The following STK31 variants were observed in gnomAD, a reference collection of about 807,000 sequenced individuals.
STK31 encodes serine/threonine-protein kinase 31.
STK31 carries 89 observed loss-of-function variants against 129.7 expected under a neutral mutation model. The observed-to-expected ratio is 0.69, with a 90% CI of 0.58 to 0.82. The LOEUF (loss-of-function observed/expected upper bound fraction) is 0.82. Among genes scored for constraint, STK31 ranks in the 40% least tolerant of loss-of-function variants. STK31 has a pLI of 0.00. For missense variants in STK31, 1,187 were observed against 1,176.4 expected (o/e 1.01, Z -0.13); for synonymous variants, 448 against 395.3 (o/e 1.13, Z -1.58).
chr7:23,765,090 C>A (rs1342804582), intron 11 of STK31, among the ~76,000 whole-genome samples: 1 of 151,968 alleles, frequency 6.6e-6, no homozygotes, highest in African/African-American at 2.4e-5. Context: ...GAGTCTCGCT[C>A]TGTCGCCTAG....
intron 22 of STK31, 151 bp from the exon 23 acceptor site, chr7:23,814,993 T>G: frequency 1.9e-6 from 1 of 519,940 alleles, no homozygotes; most frequent in East Asian, 3.3e-5. Flanking sequence ...GTAATTAGAA[T>G]GAAAGTGCTT....
chr7:23,717,487 A>C lies in STK31; in HGVS notation c.157A>C (p.Asn53His). Residue 53 changes from asparagine (N) to histidine (H), a missense_variant, in exon 4 of 24, where the codon AAT becomes CAT. Coordinates refer to ENST00000355870, the MANE Select transcript of STK31 (RefSeq NM_031414.5). ...DAVTFWAQSI[N>H]RNKDIMKIGC... ...CTATATCTAATCTTTCTAGAGTATC[A>C]ATAGAAATAAGGATATCATGAAGAT... The C allele has an allele frequency of 1.9e-6, 3 of 1,602,982 alleles. No homozygotes were observed. The East Asian group carries it at 6.7e-5, about 36-fold the overall frequency.
chr7:23,815,560 C>A (rs1040003634), intron 23 of STK31, among the ~76,000 whole-genome samples: 1 of 151,992 alleles, frequency 6.6e-6, no homozygotes, highest in African/African-American at 2.4e-5. Flanking sequence ...ATGTATTCAG[C>A]CAACATATTT....
At chr7:23,784,700 AG>A (rs1266381276) in intron 17 of STK31, among the ~76,000 whole-genome samples, 1 of 152,078 alleles carries the variant, frequency 6.6e-6, no homozygotes, top group East Asian at 1.9e-4. Context: ...AAAAAAACCC[AG>A]AAAACAATTC....
At chr7:23,776,326 A>G (rs1790541773) in intron 15 of STK31, among the ~76,000 whole-genome samples, 1 of 152,104 alleles carries the variant, frequency 6.6e-6, no homozygotes, top group African/African-American at 2.4e-5. Flanking sequence ...TTTTTGTACG[A>G]GGATGATGCT....
At chr7:23,805,860 T>G (rs914566917) in intron 22 of STK31, among the ~76,000 whole-genome samples, 5 of 152,202 alleles carry the variant, frequency 3.3e-5, no homozygotes, top group Non-Finnish European at 7.3e-5. Context: ...TGAGAGCACA[T>G]AGAACATGTT....
chr7:23,757,457 G>A (rs1044050316), intron 10 of STK31, among the ~76,000 whole-genome samples: 2 of 152,118 alleles, frequency 1.3e-5, no homozygotes, highest in Admixed American at 6.5e-5. Context: ...AGTGGGGAGA[G>A]AGTCAGCAGG....
intron 22 of STK31, among the ~76,000 whole-genome samples, chr7:23,804,835 G>A (rs1396387365): frequency 1.3e-5 from 2 of 152,078 alleles, no homozygotes; most frequent in African/African-American, 4.8e-5. Context: ...CATTTACTGT[G>A]TCTGCTAATC....
At chr7:23,799,585 A>G (rs1373234595) in intron 22 of STK31, among the ~76,000 whole-genome samples, 1 of 151,930 alleles carries the variant, frequency 6.6e-6, no homozygotes, top group African/African-American at 2.4e-5. Flanking sequence ...ACCGTATACA[A>G]AAGTTAACTC....
At chr7:23,828,912 T>G (rs1345424191) in intron 23 of STK31, among the ~76,000 whole-genome samples, 1 of 152,074 alleles carries the variant, frequency 6.6e-6, no homozygotes. Context: ...GTTTTTCTTT[T>G]TTTTTGAGAT....
chr7:23,813,270 T>G (rs954339903), intron 22 of STK31, among the ~76,000 whole-genome samples: 1 of 152,226 alleles, frequency 6.6e-6, no homozygotes, highest in East Asian at 1.9e-4. Flanking sequence ...AATAACTTTT[T>G]TCTTTGCTGA....
At chr7:23,759,864 A>C (rs943490391) in intron 10 of STK31, among the ~76,000 whole-genome samples, 3 of 152,174 alleles carry the variant, frequency 2.0e-5, no homozygotes, top group Admixed American at 1.3e-4. Context: ...ATACCTATGG[A>C]GTTGTTACAA....
intron 11 of STK31, among the ~76,000 whole-genome samples, chr7:23,763,869 A>G (rs1344712593): frequency 1.3e-5 from 2 of 152,116 alleles, no homozygotes; most frequent in African/African-American, 4.8e-5. Context: ...TTTCTCTTCT[A>G]GTCCTTTTAC....
intron 16 of STK31, among the ~76,000 whole-genome samples, chr7:23,781,741 A>G (rs989692986): frequency 3.3e-5 from 5 of 152,212 alleles, no homozygotes; most frequent in African/African-American, 1.2e-4. Flanking sequence ...GAAAATTGTA[A>G]AGAAGGAAAA....
At chr7:23,790,007 C>T (rs563651754) in intron 21 of STK31, among the ~76,000 whole-genome samples, 124 of 152,218 alleles carry the variant, frequency 8.1e-4, no homozygotes, top group African/African-American at 2.9e-3. Flanking sequence ...ATACAACTCA[C>T]CTGGGGTTCA....
chr7:23,757,797 TC>T lies in STK31; in HGVS notation c.1293+3326del, dbSNP rs908176375. On this transcript the variant is annotated intron_variant, in intron 10 of 23. Transcript: ENST00000355870. ...CTGGGGGACGGTCAGGTCTTTCCCT[TC>T]CCACGAAGCCGTATTTCAGACTGTC... Among the ~76,000 whole-genome samples the T allele has an allele frequency of 2.4e-3, 369 of 152,236 alleles. 2 individuals are homozygous for T. The highest frequency in any genetic ancestry group is 8.6e-3 in the African/African-American group (356 of 41,528).
chr7:23,803,680 C>T (rs1303839649), intron 22 of STK31, among the ~76,000 whole-genome samples: 2 of 152,112 alleles, frequency 1.3e-5, no homozygotes, highest in Non-Finnish European at 2.9e-5. Flanking sequence ...TATTTTGTCA[C>T]CCAGATACTA....
chr7:23,729,080 A>G lies in STK31; in HGVS notation c.325-11A>G, dbSNP rs1488552505. The G allele has an allele frequency of 3.2e-6, 5 of 1,580,872 alleles. No individual in the cohort carries two copies. The highest frequency in any genetic ancestry group is 4.3e-6 in the Non-Finnish European group (5 of 1,169,354). On this transcript the variant is annotated splice_polypyrimidine_tract_variant and intron_variant, in intron 5 of 23. Coordinates refer to ENST00000355870, the MANE Select transcript of STK31 (RefSeq NM_031414.5). ...GGGTCAGTATTCGTATTTGTCTCTT[A>G]TTTTTTCCAGTGTCTGGTGAGGTAC...
intron 23 of STK31, among the ~76,000 whole-genome samples, chr7:23,824,287 G>A (rs1793973882): frequency 6.6e-6 from 1 of 152,168 alleles, no homozygotes; most frequent in Non-Finnish European, 1.5e-5. Flanking sequence ...GCAGTGGTTT[G>A]TAGTTCTCCT....
Sources: gnomAD v4.1 joint callset for allele counts (sites outside exome capture counted in the v4.1 genomes callset) on GRCh38, gnomAD v4.1.1 for gene constraint, MANE v1.5 for transcripts, NCBI Gene and HGNC (gene_info 2026-07-23, HGNC 2026-07-21) for gene names.